The following PKP3 variants were observed in gnomAD, a reference collection of about 807,000 sequenced individuals.
The protein encoded by PKP3 is plakophilin-3.
PKP3 carries 66 observed loss-of-function variants against 76.5 expected under a neutral mutation model. The ratio of observed to expected loss-of-function variants is 0.86; its 90% confidence interval spans 0.71 to 1.06. The LOEUF (loss-of-function observed/expected upper bound fraction) is 1.06, where lower values mean the gene tolerates loss of function less well. Among genes scored for constraint, PKP3 ranks in the 50% least tolerant of loss-of-function variants. PKP3 has a pLI of 0.00. For missense variants in PKP3, 1,338 were observed against 1,141.0 expected (o/e 1.17, Z -2.49); for synonymous variants, 638 against 516.5 (o/e 1.24, Z -3.19).
In PKP3 at chr11:400,460, C is replaced by T; in HGVS notation, c.1566+9C>T. The T allele has an allele frequency of 6.5e-7, 1 of 1,537,518 alleles. No homozygotes were observed. The highest frequency in any genetic ancestry group is 8.8e-7 in the Non-Finnish European group (1 of 1,140,822). On this transcript the variant is annotated intron_variant, in intron 7 of 12. Coordinates refer to ENST00000331563, the MANE Select transcript of PKP3 (RefSeq NM_007183.4). ...GCAAATGCGAGGACAAGGTGAGGGG[C>T]GCGGTGTGGAGGAGGGGCCGTGCCC...
At chr11:403,033 GA>G in intron 8 of PKP3, 44 bp from the exon 9 acceptor site, 1 of 564,056 alleles carries the variant, frequency 1.8e-6, no homozygotes, top group Non-Finnish European at 2.2e-6. Context: ...CGCTCACCCC[GA>G]CCCGCTCACC....
Position 399,089 on chromosome 11 carries a change from T to A in PKP3, c.1166T>A (p.Ile389Asn). The A allele has an allele frequency of 6.2e-7, 1 of 1,611,882 alleles. No individual in the cohort carries two copies. Among genetic ancestry groups the A allele is most frequent in the East Asian group, 2.2e-5 (1 of 44,848 alleles). ...RHATGAMRNL[I>N]YDNADNKLAL... is the part of the protein sequence containing the mutation. ...GCCACAGGTGCCATGCGCAACCTCA[T>A]CTACGACAACGCTGACAACAAGCTG... Residue 389 changes from isoleucine (I) to asparagine (N), a missense_variant, in exon 5 of 13, where the codon ATC (isoleucine) becomes AAC (asparagine). By Grantham distance (149) the Ile-to-Asn change is moderately radical. Coordinates refer to ENST00000331563, the MANE Select transcript of PKP3 (RefSeq NM_007183.4).
In PKP3 at chr11:404,076, A is replaced by T. The variant is rs1266800852; in HGVS notation, c.2211A>T (p.Arg737=). ...NLVVASPIAA[R]DLLYFDGLRK... is the part of the protein sequence containing the mutation. ...TGGTGGCCAGCCCCATCGCTGCCCGAGACCTGCTGTATTTTGACGGACTCC... is the reference window on the plus strand; with the variant it reads ...TGGTGGCCAGCCCCATCGCTGCCCGTGACCTGCTGTATTTTGACGGACTCC... Residue 737 remains arginine, a synonymous_variant, in exon 11 of 13, where the codon CGA becomes CGT. Coordinates refer to ENST00000331563, the MANE Select transcript of PKP3 (RefSeq NM_007183.4). This position sits in a 1 kb window ranked among gnomAD's most constrained non-coding sequence, Gnocchi z 4.2. The T allele has an allele frequency of 1.9e-6, 3 of 1,612,326 alleles. No individual in the cohort carries two copies. In the African/African-American group the frequency reaches 4.0e-5, roughly 22 times the overall value.
At chr11:403,890 G>A (rs759433093) in intron 10 of PKP3, 53 bp from the exon 11 acceptor site, 78 of 1,564,698 alleles carry the variant, frequency 5.0e-5, no homozygotes, top group Non-Finnish European at 6.4e-5. Flanking sequence ...GGGGACCCCA[G>A]GTGCCCAGGT....
intron 4 of PKP3, 29 bp downstream of exon 4, chr11:397,691 C>T (rs377205895): frequency 1.3e-4 from 213 of 1,602,360 alleles, no homozygotes; most frequent in Non-Finnish European, 1.7e-4. Context: ...CACTCGCTGC[C>T]CCCTGGTGAC....
At chr11:394,135 C>T (rs758699312), upstream of PKP3, 85 of 1,204,660 alleles carry the variant, frequency 7.1e-5, no homozygotes, top group Non-Finnish European at 8.6e-5. Context: ...TGTCCCCGCC[C>T]CCAGCTGCGC....
intron 10 of PKP3, 83 bp downstream of exon 10, chr11:403,854 G>C (rs553252742): frequency 6.3e-7 from 1 of 1,576,226 alleles, no homozygotes; most frequent in South Asian, 1.1e-5. Context: ...GACCACTGGG[G>C]CCAGTCCAGC....
chr11:398,191 T>C (rs1364124269), intron 4 of PKP3, among the ~76,000 whole-genome samples: 5 of 39,164 alleles, frequency 1.3e-4, no homozygotes, highest in Admixed American at 3.1e-4. Flanking sequence ...TACCCCCACA[T>C]ATACCTCATC....
In PKP3 at chr11:404,238, C is replaced by T; in HGVS notation, c.2273C>T (p.Pro758Leu). 1.2e-6 allele frequency: 2 copies of T among 1,612,550 alleles called. No homozygotes were observed. Among genetic ancestry groups the T allele is most frequent in the South Asian group, 2.2e-5 (2 of 91,084 alleles). The change falls in exon 12 of 13, where the codon CCC becomes CTC. Residue 758 changes from proline (P) to leucine (L), a missense_variant and splice_region_variant. By Grantham distance (98) the Pro-to-Leu change is moderately conservative. Transcript: ENST00000331563. The surrounding 1 kb of genome is among the most constrained non-coding windows in gnomAD (Gnocchi z 4.2). The stretch of plus-strand genomic sequence containing the variant: ...TCCTGACTGCCCTCCACCCTCAGCC[C>T]CGACAGTGAGAAGTCCTCCCGGGCA... ...LIFIKKKRDS[P>L]DSEKSSRAAS...
Position 400,109 on chromosome 11 carries a change from A to G in PKP3, c.1416A>G (p.Ala472=), listed in dbSNP as rs8858. Reference sequence around the variant, plus strand: ...TCATCCAGCAGAACGCCTCGGAGGCAGAGATCTTCTACAACGCCACCGGCT... The same window carrying G: ...TCATCCAGCAGAACGCCTCGGAGGCGGAGATCTTCTACAACGCCACCGGCT... ...PPLIQQNASE[A]EIFYNATGFL... Residue 472 remains alanine, a synonymous_variant, in exon 6 of 13, where the codon GCA becomes GCG. Coordinates refer to ENST00000331563, the MANE Select transcript of PKP3 (RefSeq NM_007183.4). 0.75 allele frequency: 1,184,354 copies of G among 1,573,610 alleles called. 451,667 individuals carry two copies. Among genetic ancestry groups the G allele is most frequent in the East Asian group, 1 (44,196 of 44,244 alleles).
chr11:397,166 G>A lies in PKP3; in HGVS notation c.665G>A (p.Ser222Asn). The change falls in exon 3 of 13, where the codon AGC (serine) becomes AAC (asparagine). Residue 222 changes from serine (S) to asparagine (N), a missense_variant. Coordinates refer to ENST00000331563, the MANE Select transcript of PKP3 (RefSeq NM_007183.4). Reference sequence around the variant, plus strand: ...GCGTACGAGCGCCAGGCCAGCTCCAGCTCCAGCCGGGCAGGGGGGCTGGAC... The same window carrying A: ...GCGTACGAGCGCCAGGCCAGCTCCAACTCCAGCCGGGCAGGGGGGCTGGAC... ...AFAYERQASS[S>N]SSRAGGLDWP... 1 of 1,597,994 alleles carries A rather than the reference G, an allele frequency of 6.3e-7. No homozygotes were observed. The highest frequency in any genetic ancestry group is 8.5e-7 in the Non-Finnish European group (1 of 1,179,206).
Position 394,475 on chromosome 11 carries a change from G to C in PKP3, c.183G>C (p.Pro61=). The C allele has an allele frequency of 7.0e-7, 1 of 1,433,998 alleles. No homozygotes were observed. The highest frequency in any genetic ancestry group is 1.5e-5 in the African/African-American group (1 of 66,810). The allele number at this position is 1,433,998 out of a possible 1,614,324, so 88.8% of individuals were successfully genotyped here. ...RARLLQLGQQ[P]RHNGAAEPEP... Reference sequence around the variant, plus strand: ...GCCTCTTGCAGCTGGGACAGCAGCCGCGGCACAACGGGGCCGCTGAGCCCG... The same window carrying C: ...GCCTCTTGCAGCTGGGACAGCAGCCCCGGCACAACGGGGCCGCTGAGCCCG... Residue 61 remains proline, a synonymous_variant, in exon 1 of 13, where the codon CCG becomes CCC. Transcript: ENST00000331563.
chr11:404,383 G>A lies in PKP3; in HGVS notation c.2358+60G>A, dbSNP rs773776851. The A allele has an allele frequency of 2.1e-5, 32 of 1,522,520 alleles. No individual in the cohort carries two copies. The highest frequency in any genetic ancestry group is 2.9e-5 in the Non-Finnish European group (32 of 1,098,112). 94.3% of individuals were successfully genotyped at this position (1,522,520 alleles called of 1,614,324 possible). A position where few individuals can be genotyped will look rare whatever the true frequency, so the allele number is the denominator to read the frequency against. The stretch of plus-strand genomic sequence containing the variant: ...GGGTGCAGGGCATGGGACGCCGGGG[G>A]AGGGTCAGTGAAGAGGCCCATGGGA... On this transcript the variant is annotated intron_variant, in intron 12 of 12. Transcript: ENST00000331563. This position sits in a 1 kb window ranked among gnomAD's most constrained non-coding sequence, Gnocchi z 4.2.
At chr11:395,387 G>A (rs961241942) in intron 1 of PKP3, among the ~76,000 whole-genome samples, 24 of 152,176 alleles carry the variant, frequency 1.6e-4, no homozygotes, top group African/African-American at 4.1e-4. Flanking sequence ...GGAAGTGAAG[G>A]TCGCCCAGCG....
At position 403,740 on chromosome 11, in the gene PKP3, G is replaced by C. The variant is rs766450495; in HGVS notation, c.2046G>C (p.Leu682=). ...LRSLTGLIRN[L]SRNARNKDEM... ...CACTGACTGGCCTCATCCGAAACCT[G>C]TCTCGGAACGCTAGGAACAAGGACG... Residue 682 remains leucine, a synonymous_variant, in exon 10 of 13, where the codon CTG becomes CTC. Transcript: ENST00000331563. 1.2e-6 allele frequency: 2 copies of C among 1,608,870 alleles called. No homozygotes were observed.
rs1464878157 is a variant in PKP3 at position 397,592 on chromosome 11, C to A, written c.998C>A (p.Pro333His). The change falls in exon 4 of 13, where the codon CCC becomes CAC. Residue 333 changes from proline to histidine, a missense_variant. By Grantham distance (77) the Pro-to-His change is moderately conservative. Coordinates refer to ENST00000331563, the MANE Select transcript of PKP3 (RefSeq NM_007183.4). ...SAVKYLMASD[P>H]NLQVLGAAYI... Reference sequence around the variant, plus strand: ...GTCAAGTACCTCATGGCTTCAGACCCCAACCTGCAGGTGCTGGGAGCGGCC... The same window carrying A: ...GTCAAGTACCTCATGGCTTCAGACCACAACCTGCAGGTGCTGGGAGCGGCC... The A allele has an allele frequency of 6.2e-7, 1 of 1,612,022 alleles. No homozygotes were observed. Among genetic ancestry groups the A allele is most frequent in the Non-Finnish European group, 8.5e-7 (1 of 1,179,544 alleles).
chr11:403,992 T>A lies in PKP3; in HGVS notation c.2127T>A (p.Gly709=). 1 of 1,610,718 alleles carries A rather than the reference T, an allele frequency of 6.2e-7. No homozygotes were observed. Among genetic ancestry groups the A allele is most frequent in the Non-Finnish European group, 8.5e-7 (1 of 1,178,670 alleles). Residue 709 remains glycine, a synonymous_variant, in exon 11 of 13, where the codon GGT becomes GGA. Transcript: ENST00000331563. The part of the protein sequence containing the change: ...HLIEKLPGSV[G]EKSPPAEVLV... ...TCGAGAAGCTGCCGGGCAGCGTGGG[T>A]GAGAAGTCGCCCCCAGCCGAGGTGC... is the stretch of plus-strand genomic sequence containing the variant.
upstream of PKP3, among the ~76,000 whole-genome samples, chr11:393,830 TG>T (rs1170205665): frequency 6.6e-6 from 1 of 152,056 alleles, no homozygotes; most frequent in Non-Finnish European, 1.5e-5. Context: ...CCCCAGGGAC[TG>T]GGGCACCCTC....
chr11:404,840 G>A lies in PKP3; in HGVS notation c.*271G>A. 1.9e-6 allele frequency: 1 copy of A among 528,872 alleles called. No individual in the cohort carries two copies. Among genetic ancestry groups the A allele is most frequent in the Non-Finnish European group, 3.4e-6 (1 of 291,844 alleles). The allele number at this position is 528,872 out of a possible 1,614,324, so 32.8% of individuals were successfully genotyped here. On this transcript the variant is annotated 3_prime_UTR_variant, in exon 13 of 13. Coordinates refer to ENST00000331563, the MANE Select transcript of PKP3 (RefSeq NM_007183.4). This position sits in a 1 kb window ranked among gnomAD's most constrained non-coding sequence, Gnocchi z 4.2. The stretch of plus-strand genomic sequence containing the variant: ...GACCCAGTCACATTGGCAGAGGTGG[G>A]GGTTGGCTGTGGCCTGGCAGTATCT...
Sources: allele counts gnomAD v4.1 joint callset (sites outside exome capture counted in the v4.1 genomes callset), GRCh38; gene constraint gnomAD v4.1.1; non-coding constraint Gnocchi (gnomAD v3.1); transcripts MANE v1.5; gene names NCBI Gene and HGNC (gene_info 2026-07-23, HGNC 2026-07-21).